Variants in PGM5 observed in about 807,000 individuals in gnomAD.
PGM5 encodes phosphoglucomutase-like protein 5.
Under a neutral mutation model 59.2 loss-of-function variants are expected in PGM5, and 23 were observed. That is an observed-to-expected ratio of 0.39 (90% CI 0.28 to 0.55). The LOEUF is 0.55. Ranked by LOEUF, PGM5 falls within the 20% of genes least tolerant of loss-of-function variation. PGM5 has a pLI of 0.66. For missense variants in PGM5, 574 were observed against 748.3 expected, an observed-to-expected ratio of 0.77 and a Z score of 2.72; for synonymous variants, 214 against 286.0, an observed-to-expected ratio of 0.75 and a Z score of 2.54.
In PGM5 at chr9:68,487,463, TACACACAC is replaced by T. The variant is rs67566624; in HGVS notation, c.1479+3443_1479+3450del. On this transcript the variant is annotated intron_variant, in intron 9 of 10. Transcript: ENST00000396396. ...TCTCTCTCTCTGTGTCACACGCACA[TACACACAC>T]ACACACACACACACACACACACACA... Among the ~76,000 whole-genome samples, 1,358 of 141,866 alleles carry T rather than the reference TACACACAC, an allele frequency of 9.6e-3. 16 individuals are homozygous for T. Among genetic ancestry groups the T allele is most frequent in the African/African-American group, 0.033 (1,266 of 38,348 alleles). The allele number at this position is 141,866 out of a possible 152,430, so 93.1% of individuals were successfully genotyped here. A position where few individuals can be genotyped will look rare whatever the true frequency, so the allele number is the denominator to read the frequency against.
chr9:68,482,956 C>T (rs142304160), intron 8 of PGM5, among the ~76,000 whole-genome samples: 6 of 152,292 alleles, frequency 3.9e-5, no homozygotes, highest in East Asian at 1.9e-4. Flanking sequence ...ACATTTAATA[C>T]GCTTGGCTAG....
At chr9:68,449,197 C>T (rs1350222624) in intron 6 of PGM5, among the ~76,000 whole-genome samples, 1 of 152,186 alleles carries the variant, frequency 6.6e-6, no homozygotes, top group East Asian at 1.9e-4. Flanking sequence ...CCTCCCAAAG[C>T]CTACCTCCTA....
At chr9:68,383,668 T>A in intron 2 of PGM5, among the ~76,000 whole-genome samples, 1 of 146,030 alleles carries the variant, frequency 6.8e-6, no homozygotes, top group African/African-American at 2.5e-5. Flanking sequence ...TCTTTCAATC[T>A]ACTTATTTGT....
intron 3 of PGM5, among the ~76,000 whole-genome samples, chr9:68,385,148 T>C (rs1342196210): frequency 6.6e-6 from 1 of 151,866 alleles, no homozygotes; most frequent in African/African-American, 2.4e-5. Flanking sequence ...CAAATATAAC[T>C]TCTACAGTAT....
intron 2 of PGM5, among the ~76,000 whole-genome samples, chr9:68,383,739 G>T (rs1822139814): frequency 2.9e-4 from 3 of 10,196 alleles, no homozygotes; most frequent in Non-Finnish European, 2.5e-4. Flanking sequence ...GATATACAAG[G>T]TAAAAAAAAA....
chr9:68,509,655 A>G (rs1587225694), intron 10 of PGM5, among the ~76,000 whole-genome samples: 3 of 151,924 alleles, frequency 2.0e-5, no homozygotes, highest in African/African-American at 7.3e-5. Context: ...GCAAAGGGAA[A>G]ATGTGGGTGA....
intron 1 of PGM5, among the ~76,000 whole-genome samples, chr9:68,369,295 G>A (rs1219381176): frequency 6.6e-6 from 1 of 152,116 alleles, no homozygotes. Context: ...GGCAGTAGGT[G>A]GCAAAGTCAA....
chr9:68,525,177 AC>A (rs11330410), intron 10 of PGM5, among the ~76,000 whole-genome samples: 11,438 of 151,962 alleles, frequency 0.075, 1,447 homozygotes, highest in African/African-American at 0.26. Context: ...ATGAGTAAAA[AC>A]CCGGCACTGT....
intron 1 of PGM5, among the ~76,000 whole-genome samples, chr9:68,369,846 A>G (rs1834750711): frequency 1.3e-5 from 2 of 152,302 alleles, no homozygotes; most frequent in South Asian, 4.1e-4. Context: ...GTAACAAATC[A>G]TATAACTGCA....
chr9:68,370,529 AGCT>A (rs1821665839), intron 1 of PGM5, among the ~76,000 whole-genome samples: 1 of 152,226 alleles, frequency 6.6e-6, no homozygotes, highest in Non-Finnish European at 1.5e-5. Flanking sequence ...TTAGGAAAGA[AGCT>A]GTTGATGTTC....
chr9:68,475,183 A>G (rs1824083835), intron 7 of PGM5, among the ~76,000 whole-genome samples: 1 of 127,918 alleles, frequency 7.8e-6, no homozygotes, highest in Admixed American at 7.6e-5. Flanking sequence ...ATGCCTGGCT[A>G]ATTTTTTTTT....
chr9:68,443,187 A>G (rs1268422679), intron 6 of PGM5, among the ~76,000 whole-genome samples: 1 of 152,256 alleles, frequency 6.6e-6, no homozygotes, highest in African/African-American at 2.4e-5. Flanking sequence ...AATACTACTC[A>G]GCAATTAAAC....
chr9:68,408,846 G>C (rs1256837300), intron 6 of PGM5, among the ~76,000 whole-genome samples: 1 of 152,020 alleles, frequency 6.6e-6, no homozygotes, highest in Non-Finnish European at 1.5e-5. Flanking sequence ...TTTCCCCATC[G>C]CTTTTTTTTT....
chr9:68,376,785 C>CTTT (rs1276260877), intron 1 of PGM5, among the ~76,000 whole-genome samples: 1 of 96,722 alleles, frequency 1.0e-5, no homozygotes, highest in Admixed American at 1.1e-4. Context: ...TTCTTTCTTT[C>CTTT]TTTCTTTCTT....
intron 10 of PGM5, among the ~76,000 whole-genome samples, chr9:68,506,742 T>C (rs1175160811): frequency 6.6e-6 from 1 of 152,188 alleles, no homozygotes; most frequent in South Asian, 2.1e-4. Context: ...TCAGAAGTGA[T>C]GCAAATCCAC....
chr9:68,448,781 G>A lies in PGM5; in HGVS notation c.1044-16312G>A, dbSNP rs1823652370. Among the ~76,000 whole-genome samples, 3 of 152,200 alleles carry A rather than the reference G, an allele frequency of 2.0e-5. No homozygotes were observed. The South Asian group carries it at 6.2e-4, about 32-fold the overall frequency. On this transcript the variant is annotated intron_variant, in intron 6 of 10. Transcript: ENST00000396396. ...ACACAGCCCTTGTCCTCCTGAAGCT[G>A]CTGGAGATGCATGCAGGGGACAGCA...
intron 6 of PGM5, among the ~76,000 whole-genome samples, chr9:68,442,195 A>C (rs1283441613): frequency 3.3e-5 from 5 of 152,236 alleles, no homozygotes; most frequent in African/African-American, 1.2e-4. Context: ...GATATAAACA[A>C]ACTGGTTCTA....
intron 10 of PGM5, among the ~76,000 whole-genome samples, chr9:68,506,715 G>A (rs1397540382): frequency 6.6e-6 from 1 of 152,144 alleles, no homozygotes; most frequent in Admixed American, 6.5e-5. Context: ...TGATGTGAAA[G>A]AGAAACAGAA....
rs147778483 is a variant in PGM5 at position 68,505,142 on chromosome 9, A to T, written c.1614+5781A>T. On this transcript the variant is annotated intron_variant, in intron 10 of 10. Transcript: ENST00000396396. ...GTCAGGAAGCAATTCAGATTCATGG[A>T]GTAGGTAATTTCTGGATTGGAGGTT... Among the ~76,000 whole-genome samples, 19 of 152,324 alleles carry T rather than the reference A, an allele frequency of 1.2e-4. No individual in the cohort carries two copies. In the East Asian group the frequency reaches 3.5e-3, roughly 28 times the overall value.
Sources: allele counts gnomAD v4.1 joint callset (sites outside exome capture counted in the v4.1 genomes callset), GRCh38; gene constraint gnomAD v4.1.1; transcripts MANE v1.5; gene names NCBI Gene and HGNC (gene_info 2026-07-23, HGNC 2026-07-21).